MBOAT2: variants seen among roughly 807,000 people sequenced by gnomAD.
MBOAT2 encodes membrane bound glycerophospholipid O-acyltransferase 2, also known as membrane-bound glycerophospholipid O-acyltransferase 2.
A neutral mutation model predicts 63.4 loss-of-function variants in MBOAT2; 28 were observed. The ratio of observed to expected loss-of-function variants is 0.44; its 90% confidence interval spans 0.33 to 0.61. The LOEUF (loss-of-function observed/expected upper bound fraction) is 0.61, where lower values mean the gene tolerates loss of function less well. Ranked by LOEUF, MBOAT2 falls within the 20% of genes least tolerant of loss-of-function variation. The pLI, the probability that MBOAT2 is intolerant of heterozygous loss-of-function variation, is 0.03. For missense variants in MBOAT2, 470 were observed against 605.8 expected (o/e 0.78, Z 2.35); for synonymous variants, 211 against 215.6 (o/e 0.98, Z 0.19).
intron 3 of MBOAT2, among the ~76,000 whole-genome samples, chr2:8,931,347 A>C (rs1667308293): frequency 6.6e-6 from 1 of 152,160 alleles, no homozygotes; most frequent in South Asian, 2.1e-4. Flanking sequence ...GTGTCAGTAC[A>C]GGAAGCATGG....
At chr2:8,899,290 A>G (rs1257443832) in intron 4 of MBOAT2, among the ~76,000 whole-genome samples, 1 of 152,228 alleles carries the variant, frequency 6.6e-6, no homozygotes, top group East Asian at 1.9e-4. Context: ...ACTTTCAGGC[A>G]TAACAAGGCA....
chr2:8,894,639 T>G (rs954022424), intron 4 of MBOAT2, among the ~76,000 whole-genome samples: 4 of 152,244 alleles, frequency 2.6e-5, no homozygotes, highest in African/African-American at 9.6e-5. Context: ...CACCTGTGGC[T>G]ATCAGATTGT....
chr2:8,970,325 G>A (rs1000419587), intron 1 of MBOAT2, among the ~76,000 whole-genome samples: 14 of 152,276 alleles, frequency 9.2e-5, no homozygotes, highest in African/African-American at 3.1e-4. Flanking sequence ...AAACCAATGA[G>A]AACAAAGACA....
chr2:8,860,949 A>T lies in MBOAT2; in HGVS notation c.1186-185T>A. Reference sequence around the variant, plus strand: ...TTCTAAAAAAGCGAATACACATTGTACACACTGTGTATAAAAGACAGAGAG... The same window carrying T: ...TTCTAAAAAAGCGAATACACATTGTTCACACTGTGTATAAAAGACAGAGAG... On this transcript the variant is annotated intron_variant, in intron 11 of 12. Transcript: ENST00000305997. 3 of 477,354 alleles carry T rather than the reference A, an allele frequency of 6.3e-6. No individual in the cohort carries two copies. The South Asian group carries it at 7.7e-5, about 12-fold the overall frequency. The allele number at this position is 477,354 out of a possible 1,614,324, so 29.6% of individuals were successfully genotyped here. A position where few individuals can be genotyped will look rare whatever the true frequency, so the allele number is the denominator to read the frequency against.
intron 10 of MBOAT2, among the ~76,000 whole-genome samples, chr2:8,863,897 G>T (rs1196174001): frequency 6.6e-6 from 1 of 152,206 alleles, no homozygotes; most frequent in Non-Finnish European, 1.5e-5. Flanking sequence ...GGAGGATACT[G>T]GTGACCTCTG....
intron 4 of MBOAT2, among the ~76,000 whole-genome samples, chr2:8,896,477 C>T (rs1158882977): frequency 3.9e-5 from 6 of 152,084 alleles, no homozygotes; most frequent in Non-Finnish European, 5.9e-5. Context: ...GGATAGATTT[C>T]GTCACTTCCT....
chr2:8,938,976 C>A (rs1293313435), intron 3 of MBOAT2, among the ~76,000 whole-genome samples: 2 of 152,202 alleles, frequency 1.3e-5, no homozygotes, highest in Non-Finnish European at 2.9e-5. Context: ...CCCACCAGAG[C>A]TCTTAGCACA....
intron 1 of MBOAT2, among the ~76,000 whole-genome samples, chr2:8,980,408 T>C (rs948692301): frequency 2.0e-5 from 3 of 152,162 alleles, no homozygotes; most frequent in African/African-American, 7.2e-5. Context: ...ACAACCTCTT[T>C]ATACCATAGT....
intron 3 of MBOAT2, among the ~76,000 whole-genome samples, chr2:8,922,063 A>G (rs1386882076): frequency 1.3e-5 from 2 of 151,874 alleles, no homozygotes; most frequent in African/African-American, 2.4e-5. Context: ...ATTTTTCTTC[A>G]ATATTTTTTA....
chr2:8,892,851 C>T (rs953639742), intron 4 of MBOAT2, among the ~76,000 whole-genome samples: 5 of 151,860 alleles, frequency 3.3e-5, no homozygotes, highest in Admixed American at 3.3e-4. Flanking sequence ...AGTACGGAGG[C>T]CAATGTGATG....
At chr2:8,916,671 T>C (rs910352501) in intron 3 of MBOAT2, among the ~76,000 whole-genome samples, 1 of 152,238 alleles carries the variant, frequency 6.6e-6, no homozygotes, top group Non-Finnish European at 1.5e-5. Flanking sequence ...GTGTTTGTTT[T>C]AACACGATGA....
intron 4 of MBOAT2, among the ~76,000 whole-genome samples, chr2:8,890,100 G>A (rs1055085712): frequency 6.6e-6 from 1 of 152,170 alleles, no homozygotes; most frequent in African/African-American, 2.4e-5. Context: ...GAGCGGGAGG[G>A]AAGGCAGGAA....
At chr2:8,903,938 A>C (rs1665145003) in intron 4 of MBOAT2, among the ~76,000 whole-genome samples, 1 of 152,092 alleles carries the variant, frequency 6.6e-6, no homozygotes, top group African/African-American at 2.4e-5. Flanking sequence ...CATTAACATC[A>C]ACAGATTAAC....
At chr2:8,948,793 C>T (rs917991234) in intron 2 of MBOAT2, among the ~76,000 whole-genome samples, 7 of 152,086 alleles carry the variant, frequency 4.6e-5, no homozygotes, top group African/African-American at 9.7e-5. Context: ...AACAGTGCTG[C>T]GATTAACAGG....
intron 1 of MBOAT2, among the ~76,000 whole-genome samples, chr2:8,975,053 C>T (rs1410803959): frequency 2.0e-5 from 3 of 152,104 alleles, no homozygotes; most frequent in Non-Finnish European, 2.9e-5. Context: ...AAGCTACCAA[C>T]TGGGGAAAGT....
intron 4 of MBOAT2, among the ~76,000 whole-genome samples, chr2:8,907,473 T>C (rs1436015421): frequency 6.6e-6 from 1 of 152,218 alleles, no homozygotes; most frequent in Non-Finnish European, 1.5e-5. Flanking sequence ...GATGACAATG[T>C]GACCTGGGCT....
chr2:8,973,023 A>G (rs938378541), intron 1 of MBOAT2, among the ~76,000 whole-genome samples: 1 of 152,238 alleles, frequency 6.6e-6, no homozygotes, highest in Non-Finnish European at 1.5e-5. Context: ...TACTGGGTAT[A>G]TACCCAAAGG....
chr2:8,986,875 G>C (rs1487948582), intron 1 of MBOAT2, among the ~76,000 whole-genome samples: 2 of 152,162 alleles, frequency 1.3e-5, no homozygotes, highest in Admixed American at 6.5e-5. Flanking sequence ...CTGCAAGGCA[G>C]GAAGAGAGCC....
In MBOAT2 at chr2:8,913,101, C is replaced by T. The variant is rs148907710; in HGVS notation, c.300-4385G>A. ...AAAACGTAAAATGAGGAAAGGACAC[C>T]CTTTTCAACAAATGGATAATTGGCT... On this transcript the variant is annotated intron_variant, in intron 3 of 12. Coordinates refer to ENST00000305997, the MANE Select transcript of MBOAT2 (RefSeq NM_138799.4). 6.2e-3 allele frequency among the ~76,000 whole-genome samples: 943 copies of T among 152,044 alleles called. 8 individuals are homozygous for T. The highest frequency in any genetic ancestry group is 0.022 in the African/African-American group (909 of 41,474).
Sources: gnomAD v4.1 joint callset for allele counts (sites outside exome capture counted in the v4.1 genomes callset) on GRCh38, gnomAD v4.1.1 for gene constraint, MANE v1.5 for transcripts, NCBI Gene and HGNC (gene_info 2026-07-23, HGNC 2026-07-21) for gene names.